CTNNA2: variants seen among roughly 807,000 people sequenced by gnomAD.
The protein encoded by CTNNA2 is catenin alpha-2.
A neutral mutation model predicts 101.0 loss-of-function variants in CTNNA2; 42 were observed. That is an observed-to-expected ratio of 0.42 (90% CI 0.32 to 0.54). The LOEUF is 0.54. CTNNA2 is among the 20% of genes least tolerant of loss of function. The pLI, the probability that CTNNA2 is intolerant of heterozygous loss-of-function variation, is 0.14. For missense variants in CTNNA2, 871 were observed against 1,223.1 expected, an observed-to-expected ratio of 0.71 and a Z score of 4.29; for synonymous variants, 450 against 456.4, an observed-to-expected ratio of 0.99 and a Z score of 0.18.
intron 1 of CTNNA2, among the ~76,000 whole-genome samples, chr2:79,544,639 T>G (rs1673621577): frequency 6.6e-6 from 1 of 152,190 alleles, no homozygotes; most frequent in Non-Finnish European, 1.5e-5. Context: ...TGAGAATATG[T>G]CTAGCTTCAG....
chr2:80,276,862 C>T (rs1398181578), intron 7 of CTNNA2, among the ~76,000 whole-genome samples: 2 of 152,122 alleles, frequency 1.3e-5, no homozygotes, highest in Non-Finnish European at 2.9e-5. Context: ...CAAATTTCAA[C>T]ATGAGATTTA....
chr2:80,377,531 T>A (rs2149343255), intron 7 of CTNNA2, among the ~76,000 whole-genome samples: 1 of 152,360 alleles, frequency 6.6e-6, no homozygotes, highest in Middle Eastern at 3.4e-3. Context: ...AATGTAAGTC[T>A]GTGTCTACTT....
At chr2:80,505,314 GT>G (rs1688183496) in intron 9 of CTNNA2, among the ~76,000 whole-genome samples, 1 of 152,198 alleles carries the variant, frequency 6.6e-6, no homozygotes, top group South Asian at 2.1e-4. Context: ...TTATCTCTTG[GT>G]TTGCCTAAAG....
intron 1 of CTNNA2, among the ~76,000 whole-genome samples, chr2:79,603,347 T>A (rs1677670732): frequency 6.6e-6 from 1 of 152,186 alleles, no homozygotes; most frequent in Non-Finnish European, 1.5e-5. Flanking sequence ...AGGATTTCGT[T>A]CATAAAACAT....
At position 80,519,402 on chromosome 2, in the gene CTNNA2, G is replaced by A. The variant is rs909176170; in HGVS notation, c.1291-25580G>A. On this transcript the variant is annotated intron_variant, in intron 9 of 18. Coordinates refer to ENST00000402739, the MANE Select transcript of CTNNA2 (RefSeq NM_001282597.3). ...GTGCCTGGTTTTGAAATCTGGTTTG[G>A]TCACTAATGAACAGAGAGAGCATCT... Among the ~76,000 whole-genome samples the A allele has an allele frequency of 8.5e-5, 13 of 152,190 alleles. No individual in the cohort carries two copies. The East Asian group carries it at 2.5e-3, about 29-fold the overall frequency.
chr2:80,267,896 C>T (rs1004584612), intron 7 of CTNNA2, among the ~76,000 whole-genome samples: 1 of 152,174 alleles, frequency 6.6e-6, no homozygotes, highest in Non-Finnish European at 1.5e-5. Flanking sequence ...AAGGAATTTA[C>T]CAGAGGAGGC....
At chr2:79,684,211 A>C (rs1363119598) in intron 2 of CTNNA2, among the ~76,000 whole-genome samples, 1 of 152,218 alleles carries the variant, frequency 6.6e-6, no homozygotes, top group Non-Finnish European at 1.5e-5. Context: ...CTACACTTCA[A>C]TATATGTAAC....
At chr2:80,593,002 A>C (rs992181340) in intron 15 of CTNNA2, among the ~76,000 whole-genome samples, 5 of 152,156 alleles carry the variant, frequency 3.3e-5, no homozygotes, top group African/African-American at 1.2e-4. Flanking sequence ...TGACCTTTGC[A>C]TCAGAATTAC....
intron 13 of CTNNA2, 145 bp downstream of exon 13, chr2:80,574,459 C>A (rs1031968592): frequency 2.1e-6 from 2 of 959,196 alleles, no homozygotes; most frequent in Non-Finnish European, 2.9e-6. Flanking sequence ...ACAAGGTGAG[C>A]TTTATACTTA....
intron 7 of CTNNA2, among the ~76,000 whole-genome samples, chr2:80,161,478 T>C (rs773153924): frequency 6.6e-5 from 10 of 152,186 alleles, no homozygotes; most frequent in Non-Finnish European, 1.5e-4. Flanking sequence ...TACAAGTTTT[T>C]GTTAAACAAG....
intron 7 of CTNNA2, among the ~76,000 whole-genome samples, chr2:80,347,422 C>CAGAG (rs3040564): frequency 0.28 from 41,908 of 151,938 alleles, 6,340 homozygotes; most frequent in East Asian, 0.51. Flanking sequence ...ACTGCTTTAG[C>CAGAG]AGAGTGCCTG....
chr2:79,684,457 A>T (rs1321225027), intron 2 of CTNNA2, among the ~76,000 whole-genome samples: 1 of 152,208 alleles, frequency 6.6e-6, no homozygotes, highest in Non-Finnish European at 1.5e-5. Context: ...GAATAACGTG[A>T]ATCAAAACTG....
At chr2:79,654,105 C>T (rs1160288169) in intron 2 of CTNNA2, among the ~76,000 whole-genome samples, 1 of 152,090 alleles carries the variant, frequency 6.6e-6, no homozygotes, top group East Asian at 1.9e-4. Flanking sequence ...AGCCTTTAAC[C>T]AAATCTTTAT....
chr2:79,724,700 A>G (rs756736271), intron 2 of CTNNA2, among the ~76,000 whole-genome samples: 115 of 151,524 alleles, frequency 7.6e-4, no homozygotes, highest in Admixed American at 1.6e-3. Flanking sequence ...CTGTAGTCCC[A>G]GCTACTTTGG....
intron 1 of CTNNA2, among the ~76,000 whole-genome samples, chr2:79,584,354 G>T (rs969447160): frequency 3.9e-5 from 6 of 152,026 alleles, no homozygotes; most frequent in Non-Finnish European, 8.8e-5. Flanking sequence ...TTAATGGGTA[G>T]TTGTGGTGAT....
intron 7 of CTNNA2, among the ~76,000 whole-genome samples, chr2:80,259,113 G>T (rs1672400697): frequency 6.6e-6 from 1 of 152,060 alleles, no homozygotes; most frequent in African/African-American, 2.4e-5. Flanking sequence ...GCCCTAATTA[G>T]ATCCTCTCTA....
Position 80,142,323 on chromosome 2 carries a change from C to A in CTNNA2, c.1056+232526C>A, listed in dbSNP as rs530692832. On this transcript the variant is annotated intron_variant, in intron 7 of 18. Transcript: ENST00000402739. ...GCTGCTCACCTCTTCTTGCTTGGTGCCTTGCCATAAATGCCTCACTTTCTC... is the reference window on the plus strand; with the variant it reads ...GCTGCTCACCTCTTCTTGCTTGGTGACTTGCCATAAATGCCTCACTTTCTC... 1.1e-4 allele frequency among the ~76,000 whole-genome samples: 16 copies of A among 152,256 alleles called. No individual in the cohort carries two copies. In the South Asian group the frequency reaches 2.9e-3, roughly 28 times the overall value.
chr2:79,957,426 C>T (rs1689316669), intron 7 of CTNNA2, among the ~76,000 whole-genome samples: 1 of 152,166 alleles, frequency 6.6e-6, no homozygotes, highest in Non-Finnish European at 1.5e-5. Context: ...GGAGAGAGAA[C>T]ACAGTACTTC....
intron 7 of CTNNA2, among the ~76,000 whole-genome samples, chr2:80,018,652 G>A (rs775432990): frequency 2.0e-5 from 3 of 151,990 alleles, no homozygotes; most frequent in Non-Finnish European, 2.9e-5. Context: ...GTGGTGGCAC[G>A]TGCCTGTAGT....
Sources: allele counts gnomAD v4.1 joint callset (sites outside exome capture counted in the v4.1 genomes callset), GRCh38; gene constraint gnomAD v4.1.1; transcripts MANE v1.5; gene names NCBI Gene and HGNC (gene_info 2026-07-23, HGNC 2026-07-21).